Variants in CLDN16 observed in about 807,000 individuals in gnomAD.
The protein encoded by CLDN16 is claudin 16, also known as claudin-16.
CLDN16 carries 13 observed loss-of-function variants against 24.6 expected under a neutral mutation model. The ratio of observed to expected loss-of-function variants is 0.53; its 90% CI spans 0.34 to 0.84. The LOEUF (loss-of-function observed/expected upper bound fraction) is 0.84, where lower values mean the gene tolerates loss of function less well. Among genes scored for constraint, CLDN16 ranks in the 40% least tolerant of loss-of-function variants. The pLI is 0.01. For missense variants in CLDN16, 298 were observed against 292.7 expected (o/e 1.02, Z -0.13); for synonymous variants, 116 against 106.7 (o/e 1.09, Z -0.54).
At chr3:190,311,939 T>C in the CLDN16 span, among the ~76,000 whole-genome samples, 31 of 139,726 alleles carry the variant, frequency 2.2e-4, no homozygotes, top group African/African-American at 7.5e-4. Context: ...AAAAAACAGA[T>C]ATTTCTTTTC....
Position 190,410,209 on chromosome 3 carries a change from T to G in CLDN16, c.*173T>G. ...ATACTTTTTCTTTCTATTACTCTTA[T>G]ATTTTCCCGTCATTCTCTCTGCTAA... On this transcript the variant is annotated 3_prime_UTR_variant, in exon 5 of 5. Coordinates refer to ENST00000264734, the MANE Select transcript of CLDN16 (RefSeq NM_006580.4). 1 of 724,386 alleles carries G rather than the reference T, an allele frequency of 1.4e-6. No homozygotes were observed. The allele number at this position is 724,386 out of a possible 1,614,324, so 44.9% of individuals were successfully genotyped here. A position where few individuals can be genotyped will look rare whatever the true frequency, so the allele number is the denominator to read the frequency against.
chr3:190,355,730 T>C (rs920568282), intron 1 of CLDN16, among the ~76,000 whole-genome samples: 1 of 151,804 alleles, frequency 6.6e-6, no homozygotes, highest in Non-Finnish European at 1.5e-5. Context: ...TTCACATGCA[T>C]TGAGATTCTA....
chr3:190,314,083 T>C, the CLDN16 span, among the ~76,000 whole-genome samples: 1 of 152,228 alleles, frequency 6.6e-6, no homozygotes, highest in Admixed American at 6.5e-5. Context: ...AACTGTGCTA[T>C]CTTGAGCAAG....
the CLDN16 span, chr3:190,308,040 A>C: frequency 4.3e-6 from 2 of 460,102 alleles, no homozygotes; most frequent in Admixed American, 3.3e-5. Flanking sequence ...CTCAATGGGA[A>C]GCAGTAATAC....
chr3:190,380,955 A>C (rs1287117185), intron 3 of CLDN16, among the ~76,000 whole-genome samples: 1 of 152,020 alleles, frequency 6.6e-6, no homozygotes, highest in Admixed American at 6.6e-5. Flanking sequence ...ATAGGACAGC[A>C]TGGAAGTTAT....
chr3:190,391,631 G>A (rs1244373730), intron 1 of CLDN16, among the ~76,000 whole-genome samples: 6 of 152,114 alleles, frequency 3.9e-5, no homozygotes, highest in Admixed American at 3.9e-4. Context: ...GGGACAGAGT[G>A]GCAAAAGTGC....
chr3:190,343,482 C>G (rs75178351), intron 1 of CLDN16, among the ~76,000 whole-genome samples: 5,950 of 152,106 alleles, frequency 0.039, 382 homozygotes, highest in African/African-American at 0.13. Context: ...ATCACCACCT[C>G]GTAAAGATAT....
intron 3 of CLDN16, 83 bp from the exon 4 acceptor site, chr3:190,408,231 C>T: frequency 2.2e-6 from 3 of 1,338,672 alleles, no homozygotes; most frequent in Non-Finnish European, 3.2e-6. Context: ...TCACGCCAGC[C>T]ATTTTGTGTA....
rs545791117 is a variant in CLDN16, at chr3:190,403,581, T to TA, written c.217+1142_217+1143insA. On this transcript the variant is annotated intron_variant, in intron 2 of 4. Coordinates refer to ENST00000264734, the MANE Select transcript of CLDN16 (RefSeq NM_006580.4). ...GATGGCACCATAAGGCAACTTCTTT[T>TA]CTCAAGATAAATAAAAAATTAAGCC... Among the ~76,000 whole-genome samples, 339 of 152,330 alleles carry TA rather than the reference T, an allele frequency of 2.2e-3. 3 individuals are homozygous for TA. Among genetic ancestry groups the TA allele is most frequent in the African/African-American group, 8.0e-3 (333 of 41,574 alleles).
intron 3 of CLDN16, among the ~76,000 whole-genome samples, chr3:190,380,311 G>A (rs896557855): frequency 6.7e-6 from 1 of 148,984 alleles, no homozygotes; most frequent in African/African-American, 2.5e-5. Context: ...TCATCTAGAG[G>A]TATCAAATAT....
At chr3:190,388,701 A>T (rs1718572815) in intron 1 of CLDN16, among the ~76,000 whole-genome samples, 1 of 152,202 alleles carries the variant, frequency 6.6e-6, no homozygotes, top group Non-Finnish European at 1.5e-5. Flanking sequence ...AATTTCCACA[A>T]GGGTAATTAA....
At chr3:190,308,091 A>T in the CLDN16 span, 1 of 653,220 alleles carries the variant, frequency 1.5e-6, no homozygotes, top group Non-Finnish European at 2.6e-6. Flanking sequence ...GAAAGAAGAT[A>T]AAATAAGATT....
chr3:190,335,020 T>A (rs551787433), intron 1 of CLDN16, among the ~76,000 whole-genome samples: 1 of 124,042 alleles, frequency 8.1e-6, no homozygotes, highest in Non-Finnish European at 1.6e-5. Context: ...CCTTTTCTTT[T>A]TTCTTTTTTT....
intron 1 of CLDN16, among the ~76,000 whole-genome samples, chr3:190,343,971 T>G (rs1717494415): frequency 1.4e-5 from 2 of 141,040 alleles, no homozygotes; most frequent in Middle Eastern, 3.4e-3. Flanking sequence ...TATCTTCACA[T>G]GTGATAGGGC....
At chr3:190,319,856 G>C (rs1267735650), upstream of CLDN16, among the ~76,000 whole-genome samples, 1 of 152,230 alleles carries the variant, frequency 6.6e-6, no homozygotes, top group Non-Finnish European at 1.5e-5. Context: ...CTCAGGCAGA[G>C]AAATGAAGTA....
At chr3:190,306,516 G>T in the CLDN16 span, 2 of 152,244 alleles carry the variant, frequency 1.3e-5, no homozygotes, top group African/African-American at 4.8e-5. Flanking sequence ...TATCTCACTG[G>T]ATCCCCACAA....
Position 190,335,807 on chromosome 3 carries a change from A to G in CLDN16, n.121+13146A>G, listed in dbSNP as rs1244935836. On this transcript the variant is annotated intron_variant and non_coding_transcript_variant, in intron 1 of 4. Coordinates refer to the CLDN16 transcript ENST00000468220. The stretch of plus-strand genomic sequence containing the variant: ...GTCTCAGACACTGATTCTAGAGAAC[A>G]CAGCTTCTAGGGAGCTCAATATAAA... 1.3e-5 allele frequency among the ~76,000 whole-genome samples: 2 copies of G among 152,118 alleles called. 1 individual carries two copies. Among genetic ancestry groups the G allele is most frequent in the Non-Finnish European group, 2.9e-5 (2 of 68,026 alleles).
intron 1 of CLDN16, among the ~76,000 whole-genome samples, chr3:190,364,144 G>A (rs546068257): frequency 1.3e-5 from 2 of 151,932 alleles, no homozygotes; most frequent in African/African-American, 4.8e-5. Context: ...TCGTCCTTCA[G>A]CCAGATAATA....
At chr3:190,323,420 C>A (rs1465772884) in intron 1 of CLDN16, among the ~76,000 whole-genome samples, 1 of 152,132 alleles carries the variant, frequency 6.6e-6, no homozygotes, top group Non-Finnish European at 1.5e-5. Flanking sequence ...GGCTATCTCA[C>A]CCCTCCGGTT....
Sources: allele counts gnomAD v4.1 joint callset (sites outside exome capture counted in the v4.1 genomes callset), GRCh38; gene constraint gnomAD v4.1.1; transcripts MANE v1.5; gene names NCBI Gene and HGNC (gene_info 2026-07-23, HGNC 2026-07-21).